ARHGAP18: variants seen among roughly 807,000 people sequenced by gnomAD.
The protein encoded by ARHGAP18 is rho GTPase-activating protein 18.
In ARHGAP18, 67 loss-of-function variants were observed where a neutral mutation model predicts 86.2. The observed-to-expected ratio is 0.78, with a 90% CI of 0.64 to 0.95. The LOEUF (loss-of-function observed/expected upper bound fraction) is 0.95, where lower values mean the gene tolerates loss of function less well. Among genes scored for constraint, ARHGAP18 ranks in the 40% least tolerant of loss-of-function variants. ARHGAP18 has a pLI of 0.00. For missense variants in ARHGAP18, 691 were observed against 780.4 expected, an observed-to-expected ratio of 0.89 and a Z score of 1.37; for synonymous variants, 283 against 280.4, an observed-to-expected ratio of 1.01 and a Z score of -0.09.
intron 1 of ARHGAP18, chr6:129,661,994 A>C: frequency 1.5e-5 from 13 of 846,094 alleles, no homozygotes; most frequent in South Asian, 5.5e-5. Flanking sequence ...ACACACACAG[A>C]ACACAAAGCC....
Position 129,605,832 on chromosome 6 carries a change from G to C in ARHGAP18, c.1365+45C>G, listed in dbSNP as rs754197495. 7.3e-6 allele frequency: 11 copies of C among 1,512,774 alleles called. No homozygotes were observed. In the Admixed American group the frequency reaches 1.5e-4, roughly 21 times the overall value. The allele number at this position is 1,512,774 out of a possible 1,614,324, so 93.7% of individuals were successfully genotyped here. The stretch of plus-strand genomic sequence containing the variant: ...TTGCCACAAATAATGAAAAATTACT[G>C]TGCTTACTTCTAAGGGATATTTAAT... On this transcript the variant is annotated intron_variant, in intron 10 of 14. Coordinates refer to ENST00000368149, the MANE Select transcript of ARHGAP18 (RefSeq NM_033515.3).
chr6:129,611,070 A>T (rs753852905), intron 8 of ARHGAP18, among the ~76,000 whole-genome samples: 131 of 152,016 alleles, frequency 8.6e-4, no homozygotes, highest in Non-Finnish European at 1.1e-3. Flanking sequence ...CTAATTTTTT[A>T]AAATTATTTT....
Position 129,634,106 on chromosome 6 carries a change from C to G in ARHGAP18, c.553-1G>C, listed in dbSNP as rs1292199240. The G allele has an allele frequency of 2.5e-6, 4 of 1,613,130 alleles. No homozygotes were observed. In the South Asian group the frequency reaches 3.3e-5, roughly 13 times the overall value. ...ACTGCGATTCAGTGCCACCTGGAGCCTAAACATAGAAAACAGGCCATTTAG... is the reference window on the plus strand; with the variant it reads ...ACTGCGATTCAGTGCCACCTGGAGCGTAAACATAGAAAACAGGCCATTTAG... On this transcript the variant is annotated splice_acceptor_variant, in intron 3 of 14. Coordinates refer to ENST00000368149, the MANE Select transcript of ARHGAP18 (RefSeq NM_033515.3). LOFTEE classifies it high-confidence loss of function.
At chr6:129,683,066 TTTG>T (rs1326777988) in intron 1 of ARHGAP18, among the ~76,000 whole-genome samples, 12 of 148,146 alleles carry the variant, frequency 8.1e-5, no homozygotes, top group African/African-American at 2.6e-4. Flanking sequence ...TTTTTTTTTT[TTTG>T]TTTTTTTTTT....
At position 129,656,587 on chromosome 6, in the gene ARHGAP18, T is replaced by C. The variant is rs369183021; in HGVS notation, c.114-14569A>G. Among the ~76,000 whole-genome samples the C allele has an allele frequency of 6.2e-4, 95 of 152,102 alleles. 2 individuals carry two copies. The East Asian group carries it at 0.017, about 27-fold the overall frequency. On this transcript the variant is annotated intron_variant, in intron 1 of 14. Transcript: ENST00000368149. Reference sequence around the variant, plus strand: ...AGAACCCGGGAGGCGGAGGTTGCAGTGAGCCGAGATCGCACCACTGCACTC... The same window carrying C: ...AGAACCCGGGAGGCGGAGGTTGCAGCGAGCCGAGATCGCACCACTGCACTC...
At chr6:129,691,552 T>C (rs1489074377) in intron 1 of ARHGAP18, among the ~76,000 whole-genome samples, 1 of 152,184 alleles carries the variant, frequency 6.6e-6, no homozygotes, top group East Asian at 1.9e-4. Context: ...TAAAACTTAC[T>C]GGCCAAGGGT....
chr6:129,603,579 A>C (rs1433160005), intron 10 of ARHGAP18, among the ~76,000 whole-genome samples: 2 of 152,150 alleles, frequency 1.3e-5, no homozygotes, highest in Non-Finnish European at 2.9e-5. Context: ...AAGTTTTCTG[A>C]TTTGTAAAAT....
rs947465256 is a variant in ARHGAP18, at chr6:129,623,011, A to C, written c.787-4159T>G. ...AGTGAAACTCCATCTCAAAACAAAA[A>C]AAAAAAAAAAAAAAAAGGAAAAAGA... On this transcript the variant is annotated intron_variant, in intron 5 of 14. Coordinates refer to ENST00000368149, the MANE Select transcript of ARHGAP18 (RefSeq NM_033515.3). Among the ~76,000 whole-genome samples the C allele has an allele frequency of 4.1e-5, 6 of 147,718 alleles. No homozygotes were observed. In the South Asian group the frequency reaches 6.3e-4, roughly 15 times the overall value.
intron 1 of ARHGAP18, among the ~76,000 whole-genome samples, chr6:129,687,687 A>G (rs967672000): frequency 1.3e-5 from 2 of 152,232 alleles, no homozygotes; most frequent in Non-Finnish European, 1.5e-5. Context: ...TCTCATCACA[A>G]TATCTCTAGA....
chr6:129,709,991 GTT>G, intron 1 of ARHGAP18, 31 bp downstream of exon 1: 1 of 1,549,766 alleles, frequency 6.5e-7, no homozygotes, highest in East Asian at 2.2e-5. Flanking sequence ...AGGTAAGAGG[GTT>G]TTGTTTTGTT....
chr6:129,629,435 G>T lies in ARHGAP18; in HGVS notation c.704C>A (p.Ser235Ter). 6.2e-7 allele frequency: 1 copy of T among 1,613,908 alleles called. No individual in the cohort carries two copies. The highest frequency in any genetic ancestry group is 8.5e-7 in the Non-Finnish European group (1 of 1,179,954). ...APETDINLEV[S>*]FAEQALNQKE... ...CTGATTGAGTGCTTGCTCGGCAAAT[G>T]ATACCTCCAGGTTGATGTCTGTTTC... The change falls in exon 5 of 15, where the codon TCA (serine) becomes TAA (stop). Residue 235 changes from serine to a stop codon, truncating the protein, a stop_gained. Transcript: ENST00000368149. LOFTEE classifies it high-confidence loss of function.
intron 8 of ARHGAP18, among the ~76,000 whole-genome samples, chr6:129,611,093 G>A (rs1024262943): frequency 3.4e-4 from 52 of 151,806 alleles, no homozygotes; most frequent in African/African-American, 1.1e-3. Flanking sequence ...GTAGAGACAG[G>A]GTCTCACTTT....
At chr6:129,618,628 G>T in intron 6 of ARHGAP18, 59 bp downstream of exon 6, 2 of 1,486,088 alleles carry the variant, frequency 1.3e-6, no homozygotes, top group East Asian at 2.4e-5. Flanking sequence ...CTGCAAAAAA[G>T]CCAAGTCCAT....
intron 5 of ARHGAP18, among the ~76,000 whole-genome samples, chr6:129,624,983 T>C (rs1023383351): frequency 1.8e-5 from 2 of 113,728 alleles, no homozygotes; most frequent in Admixed American, 1.2e-4. Flanking sequence ...TTATATATAA[T>C]ATATATTATA....
chr6:129,600,055 A>G (rs1342214826), intron 11 of ARHGAP18, among the ~76,000 whole-genome samples: 2 of 152,156 alleles, frequency 1.3e-5, no homozygotes, highest in Non-Finnish European at 2.9e-5. Flanking sequence ...TCTTTTTAAC[A>G]AATTAATGTT....
chr6:129,633,434 C>A (rs74998681), intron 4 of ARHGAP18, among the ~76,000 whole-genome samples: 1,349 of 103,688 alleles, frequency 0.013, no homozygotes, highest in Admixed American at 0.014. Context: ...GACTCCACCT[C>A]AAAAAAAAAA....
intron 12 of ARHGAP18, among the ~76,000 whole-genome samples, chr6:129,588,133 T>TTTC (rs542735971): frequency 6.6e-6 from 1 of 151,848 alleles, no homozygotes; most frequent in African/African-American, 2.4e-5. Flanking sequence ...TTTTTTTTTT[T>TTTC]TTGCAATGGA....
At chr6:129,606,470 C>T (rs1375163263) in intron 9 of ARHGAP18, among the ~76,000 whole-genome samples, 1 of 152,146 alleles carries the variant, frequency 6.6e-6, no homozygotes, top group Non-Finnish European at 1.5e-5. Flanking sequence ...GAAGCAGCAG[C>T]TCAACAGTCT....
chr6:129,681,904 G>A (rs1377006293), intron 1 of ARHGAP18, among the ~76,000 whole-genome samples: 2 of 152,162 alleles, frequency 1.3e-5, no homozygotes, highest in African/African-American at 4.8e-5. Flanking sequence ...GTTTCAGGCA[G>A]CTACACAAAA....
Sources: allele counts gnomAD v4.1 joint callset (sites outside exome capture counted in the v4.1 genomes callset), GRCh38; gene constraint gnomAD v4.1.1; transcripts MANE v1.5; gene names NCBI Gene and HGNC (gene_info 2026-07-23, HGNC 2026-07-21).